RNF32: variants seen among roughly 807,000 people sequenced by gnomAD.
RNF32 encodes the protein ring finger protein 32.
In RNF32, 36 loss-of-function variants were observed where a neutral mutation model predicts 41.0. The ratio of observed to expected loss-of-function variants is 0.88; its 90% confidence interval spans 0.67 to 1.16. The LOEUF (loss-of-function observed/expected upper bound fraction) is 1.16. Among genes scored for constraint, RNF32 ranks in the 50% most tolerant of loss-of-function variants. The probability of loss-of-function intolerance (pLI) is 0.00; values close to 1 mark genes in which losing one functional copy is unlikely to be tolerated. For missense variants in RNF32, 413 were observed against 436.7 expected, an observed-to-expected ratio of 0.95 and a Z score of 0.48; for synonymous variants, 154 against 160.9, an observed-to-expected ratio of 0.96 and a Z score of 0.32.
rs534667388 is a variant in RNF32, at chr7:156,674,137, G to A, written c.685-1559G>A. Reference sequence around the variant, plus strand: ...CTCACTGCTGGACAAATAACCCCCCGAATTTCAGTGACTGAAAGCCAGAGC... The same window carrying A: ...CTCACTGCTGGACAAATAACCCCCCAAATTTCAGTGACTGAAAGCCAGAGC... On this transcript the variant is annotated intron_variant, in intron 7 of 8. Transcript: ENST00000317955. Among the ~76,000 whole-genome samples, 5 of 152,258 alleles carry A rather than the reference G, an allele frequency of 3.3e-5. No individual in the cohort carries two copies. The East Asian group carries it at 5.8e-4, about 18-fold the overall frequency.
chr7:156,658,688 T>A, intron 7 of RNF32, 118 bp downstream of exon 7: 2 of 795,264 alleles, frequency 2.5e-6, no homozygotes, highest in South Asian at 1.7e-5. Context: ...GAGGGCTTTT[T>A]AAAAATGGGT....
intron 8 of RNF32, 164 bp from the exon 9 acceptor site, chr7:156,676,255 A>ATG (rs1803991670): frequency 1.2e-5 from 19 of 1,539,372 alleles, no homozygotes; most frequent in Non-Finnish European, 1.5e-5. Context: ...GTATATATAT[A>ATG]TGTATATATA....
At chr7:156,659,114 C>A in intron 7 of RNF32, 1 of 1,350,140 alleles carries the variant, frequency 7.4e-7, no homozygotes, top group African/African-American at 1.5e-5. Context: ...TAACAATTTC[C>A]CATTCCTTGT....
At chr7:156,658,672 C>A in intron 7 of RNF32, 102 bp downstream of exon 7, 1 of 837,532 alleles carries the variant, frequency 1.2e-6, no homozygotes, top group Non-Finnish European at 1.9e-6. Context: ...AGACTTACTT[C>A]ACTTTGAGGG....
chr7:156,657,447 C>A, intron 4 of RNF32, 94 bp from the exon 5 acceptor site: 2 of 1,218,070 alleles, frequency 1.6e-6, no homozygotes, highest in Non-Finnish European at 2.4e-6. Context: ...AGAAATAATA[C>A]AGCTTACCTT....
chr7:156,657,889 G>A (rs1251728298), intron 5 of RNF32, among the ~76,000 whole-genome samples: 1 of 152,144 alleles, frequency 6.6e-6, no homozygotes, highest in Non-Finnish European at 1.5e-5. Context: ...TGTGCTAGTG[G>A]ATTTCAGAAG....
chr7:156,645,187 A>G (rs1010257541), intron 3 of RNF32, among the ~76,000 whole-genome samples: 8 of 152,224 alleles, frequency 5.3e-5, no homozygotes, highest in Middle Eastern at 3.2e-3. Flanking sequence ...GACACAGAAT[A>G]TTGAGGTAGT....
At chr7:156,650,622 T>C (rs1172883822) in intron 3 of RNF32, among the ~76,000 whole-genome samples, 1 of 152,232 alleles carries the variant, frequency 6.6e-6, no homozygotes, top group Non-Finnish European at 1.5e-5. Context: ...GTTTGCATGA[T>C]GGGGAGATGT....
chr7:156,665,154 G>A (rs991022712), intron 7 of RNF32, among the ~76,000 whole-genome samples: 7 of 152,066 alleles, frequency 4.6e-5, no homozygotes, highest in African/African-American at 1.2e-4. Flanking sequence ...CAGATTCATC[G>A]GTGTCTATAG....
At chr7:156,641,360 A>C (rs1797284490) in intron 1 of RNF32, among the ~76,000 whole-genome samples, 1 of 152,186 alleles carries the variant, frequency 6.6e-6, no homozygotes, top group Non-Finnish European at 1.5e-5. Context: ...TTTTGCCACC[A>C]AGCTCTGCCT....
chr7:156,672,974 C>T (rs543463667), intron 7 of RNF32, among the ~76,000 whole-genome samples: 7 of 152,370 alleles, frequency 4.6e-5, no homozygotes, highest in African/African-American at 7.2e-5. Flanking sequence ...GCTCACCCCG[C>T]GGACTGTGGC....
intron 3 of RNF32, among the ~76,000 whole-genome samples, chr7:156,646,723 T>C (rs1443493237): frequency 1.3e-5 from 2 of 152,264 alleles, no homozygotes; most frequent in East Asian, 1.9e-4. Context: ...GTACTTTTCA[T>C]ACTTTGTTCC....
chr7:156,645,923 ACT>A (rs1333356233), intron 3 of RNF32, among the ~76,000 whole-genome samples: 2 of 152,128 alleles, frequency 1.3e-5, no homozygotes, highest in African/African-American at 2.4e-5. Context: ...ATTGCTAGAT[ACT>A]CTTTGATCAT....
At position 156,670,701 on chromosome 7, in the gene RNF32, G is replaced by A. The variant is rs368288321; in HGVS notation, c.685-4995G>A. Reference sequence around the variant, plus strand: ...CGGCAGAAGGTGAGATGGCATCTCCGTGTGTCGGGAGAGACCTAACCGCCA... The same window carrying A: ...CGGCAGAAGGTGAGATGGCATCTCCATGTGTCGGGAGAGACCTAACCGCCA... On this transcript the variant is annotated intron_variant, in intron 7 of 8. Transcript: ENST00000317955. This position sits in a 1 kb window ranked among gnomAD's most constrained non-coding sequence, Gnocchi z 4.3. Among the ~76,000 whole-genome samples, 107 of 152,274 alleles carry A rather than the reference G, an allele frequency of 7.0e-4. 1 individual carries two copies. The South Asian group carries it at 0.021, about 30-fold the overall frequency.
At chr7:156,673,468 C>T (rs1803053511) in intron 7 of RNF32, among the ~76,000 whole-genome samples, 2 of 152,264 alleles carry the variant, frequency 1.3e-5, no homozygotes. Flanking sequence ...CCTTAGGAAA[C>T]GTTACCGATT....
At chr7:156,660,340 A>G (rs1800442800) in intron 7 of RNF32, 9 of 961,920 alleles carry the variant, frequency 9.4e-6, no homozygotes, top group Non-Finnish European at 1.1e-5. Context: ...AGAAGTATGA[A>G]TGCTATTCTA....
intron 3 of RNF32, among the ~76,000 whole-genome samples, chr7:156,648,077 A>T (rs1170216826): frequency 6.7e-6 from 1 of 149,230 alleles, no homozygotes; most frequent in Non-Finnish European, 1.5e-5. Context: ...TAGGTTCTGG[A>T]TACTAGTCCT....
chr7:156,657,444 A>G, intron 4 of RNF32, 97 bp from the exon 5 acceptor site: 2 of 1,210,308 alleles, frequency 1.7e-6, no homozygotes, highest in Non-Finnish European at 2.5e-6. Context: ...TAAAGAAATA[A>G]TACAGCTTAC....
At position 156,644,538 on chromosome 7, in the gene RNF32, G is replaced by A. The variant is rs779741124; in HGVS notation, c.55G>A (p.Val19Ile). 6.2e-7 allele frequency: 1 copy of A among 1,611,972 alleles called. No homozygotes were observed. The highest frequency in any genetic ancestry group is 8.5e-7 in the Non-Finnish European group (1 of 1,179,252). ...SKKDNLAVNA[V>I]ALQDHILHDL... Reference sequence around the variant, plus strand: ...GAAAGATAACTTGGCAGTCAATGCAGTTGCTTTACAAGATCACATTTTACA... The same window carrying A: ...GAAAGATAACTTGGCAGTCAATGCAATTGCTTTACAAGATCACATTTTACA... Residue 19 changes from valine to isoleucine, a missense_variant, in exon 3 of 9, where the codon GTT (valine) becomes ATT (isoleucine). Physicochemically the swap from Val to Ile is conservative, Grantham distance 29 (BLOSUM62 3). Transcript: ENST00000317955.
Sources: allele counts gnomAD v4.1 joint callset (sites outside exome capture counted in the v4.1 genomes callset), GRCh38; gene constraint gnomAD v4.1.1; non-coding constraint Gnocchi (gnomAD v3.1); transcripts MANE v1.5; gene names NCBI Gene and HGNC (gene_info 2026-07-23, HGNC 2026-07-21).